Variants in STX1B observed in about 807,000 individuals in gnomAD.
STX1B encodes syntaxin 1B.
In STX1B, 7 loss-of-function variants were observed where a neutral mutation model predicts 39.4. The observed-to-expected ratio is 0.18, with a 90% confidence interval of 0.10 to 0.33. The LOEUF (loss-of-function observed/expected upper bound fraction) is 0.33, where lower values mean the gene tolerates loss of function less well. Among genes scored for constraint, STX1B ranks in the 10% least tolerant of loss-of-function variants. The probability of loss-of-function intolerance (pLI) is 1.00; values close to 1 mark genes in which losing one functional copy is unlikely to be tolerated. For missense variants in STX1B, 198 were observed against 383.2 expected (o/e 0.52, Z 4.04); for synonymous variants, 136 against 144.1 (o/e 0.94, Z 0.40).
At chr16:31,007,894 G>A (rs879374994) in intron 1 of STX1B, among the ~76,000 whole-genome samples, 14 of 152,280 alleles carry the variant, frequency 9.2e-5, no homozygotes, top group Admixed American at 4.6e-4. Context: ...ACTCATACGC[G>A]AAGAAATTGA....
At chr16:30,995,833 G>C (rs1480272134) in intron 7 of STX1B, among the ~76,000 whole-genome samples, 1 of 152,132 alleles carries the variant, frequency 6.6e-6, no homozygotes, top group Non-Finnish European at 1.5e-5. Flanking sequence ...CAGCACAGGG[G>C]ACAAAACCTA....
At chr16:30,994,149 G>A (rs915650549) in intron 7 of STX1B, among the ~76,000 whole-genome samples, 9 of 150,778 alleles carry the variant, frequency 6.0e-5, no homozygotes, top group African/African-American at 2.0e-4. Flanking sequence ...AAAATTAGCC[G>A]GGTGTGGTGG....
chr16:30,992,841 C>T lies in STX1B; in HGVS notation c.847G>A (p.Gly283Arg). 1 of 1,613,206 alleles carries T rather than the reference C, an allele frequency of 6.2e-7. No homozygotes were observed. Among genetic ancestry groups the T allele is most frequent in the Non-Finnish European group, 8.5e-7 (1 of 1,179,446 alleles). ...GGGGCCTACAAGCCCAGCGTCCCCC[C>T]AATGGATGACGCCAAGACCACCCCC... ...VLGVVLASSIGGTLGL is the reference protein window; with the variant it reads ...VLGVVLASSIRGTLGL The change falls in exon 10 of 10, where the codon GGG (glycine) becomes AGG (arginine). Residue 283 changes from glycine (G) to arginine (R), a missense_variant. Gly to Arg is a moderately radical substitution (Grantham distance 125). Transcript: ENST00000215095.
intron 4 of STX1B, 101 bp from the exon 5 acceptor site, chr16:30,997,676 C>T: frequency 1.8e-6 from 2 of 1,118,894 alleles, no homozygotes; most frequent in Non-Finnish European, 1.3e-6. Flanking sequence ...GCGCCAGGCC[C>T]GGGGAGAAAC....
intron 4 of STX1B, among the ~76,000 whole-genome samples, chr16:30,999,959 C>T (rs1042345298): frequency 1.3e-5 from 2 of 151,776 alleles, no homozygotes; most frequent in African/African-American, 4.8e-5. Context: ...TGTAGAAATT[C>T]CTTAGAGAAA....
In STX1B at chr16:30,993,489, G is replaced by C. The variant is rs145815305; in HGVS notation, c.538-5C>G. 5.4e-4 allele frequency: 875 copies of C among 1,613,448 alleles called. 6 individuals are homozygous for C. The East Asian group carries it at 9.1e-3, about 17-fold the overall frequency. ...CATCTGTGAGTCCATTTTGATCTAGGGTGACGAGGGAGAGAGCTACAATCA... is the reference window on the plus strand; with the variant it reads ...CATCTGTGAGTCCATTTTGATCTAGCGTGACGAGGGAGAGAGCTACAATCA... On this transcript the variant is annotated splice_region_variant and splice_polypyrimidine_tract_variant and intron_variant, in intron 7 of 9. Transcript: ENST00000215095.
chr16:31,002,181 G>A (rs150609214), intron 1 of STX1B, among the ~76,000 whole-genome samples: 3 of 146,194 alleles, frequency 2.1e-5, no homozygotes, highest in South Asian at 2.2e-4. Context: ...CCCTCTTCCC[G>A]CCCACTCTCC....
Position 30,992,692 on chromosome 16 carries a change from T to TA in STX1B, c.*128_*129insT. ...GGTCCAGGGACACCAGGGTCTGCCG[T>TA]GGGGGTGGGGCTGCCTGGGTCTGTT... On this transcript the variant is annotated 3_prime_UTR_variant, in exon 10 of 10. Transcript: ENST00000215095. 2.3e-6 allele frequency: 1 copy of TA among 434,316 alleles called. No homozygotes were observed. Among genetic ancestry groups the TA allele is most frequent in the Admixed American group, 5.5e-5 (1 of 18,338 alleles). The allele number at this position is 434,316 out of a possible 1,614,324, so 26.9% of individuals were successfully genotyped here. A position where few individuals can be genotyped will look rare whatever the true frequency, so the allele number is the denominator to read the frequency against.
At position 30,989,495 on chromosome 16, in the gene STX1B, G is replaced by A. The variant is rs1407619482; in HGVS notation, c.*3326C>T. On this transcript the variant is annotated 3_prime_UTR_variant, in exon 10 of 10. Coordinates refer to ENST00000215095, the MANE Select transcript of STX1B (RefSeq NM_052874.5). ...GCTCTGGGCCCCAGCCAGGCCCCAG[G>A]AGTCCTGTCCCCTCTGAGAAGGGGA... is the stretch of plus-strand genomic sequence containing the variant. The A allele has an allele frequency of 6.6e-6, 1 of 152,198 alleles. No homozygotes were observed. Among genetic ancestry groups the A allele is most frequent in the Non-Finnish European group, 1.5e-5 (1 of 68,046 alleles). 9.4% of individuals were successfully genotyped at this position (152,198 alleles called of 1,614,324 possible). A position where few individuals can be genotyped will look rare whatever the true frequency, so the allele number is the denominator to read the frequency against.
intron 9 of STX1B, 82 bp from the exon 10 acceptor site, chr16:30,992,983 G>A (rs1255245209): frequency 1.5e-6 from 2 of 1,377,862 alleles, no homozygotes; most frequent in African/African-American, 1.4e-5. Context: ...CAGGGCAGAG[G>A]GTGGCAGGGA....
At chr16:31,006,323 G>A (rs2056655088) in intron 1 of STX1B, among the ~76,000 whole-genome samples, 1 of 152,052 alleles carries the variant, frequency 6.6e-6, no homozygotes, top group Non-Finnish European at 1.5e-5. Flanking sequence ...CTCTCACCCT[G>A]ACCTCTCTCC....
intron 1 of STX1B, among the ~76,000 whole-genome samples, chr16:31,005,065 T>G (rs7499974): frequency 0.98 from 149,159 of 152,330 alleles, 73,113 homozygotes; most frequent in East Asian, 1. Flanking sequence ...CAGGAGGCCA[T>G]CCCTCCCAGC....
intron 1 of STX1B, among the ~76,000 whole-genome samples, chr16:31,002,890 T>A (rs1295952703): frequency 6.6e-6 from 1 of 152,028 alleles, no homozygotes; most frequent in African/African-American, 2.4e-5. Flanking sequence ...TCAGTTGGAA[T>A]CCAAAAAGAA....
At chr16:31,004,930 C>A (rs58615131) in intron 1 of STX1B, among the ~76,000 whole-genome samples, 335 of 152,324 alleles carry the variant, frequency 2.2e-3, no homozygotes, top group African/African-American at 7.8e-3. Context: ...TTCTGTCCTG[C>A]TGACAGATGG....
rs563068558 is a variant in STX1B at position 31,009,737 on chromosome 16, T to C, written c.30+630A>G. On this transcript the variant is annotated intron_variant, in intron 1 of 9. Transcript: ENST00000215095. The stretch of plus-strand genomic sequence containing the variant: ...CAAGCAGAGCACGGCCCGTGTTCCA[T>C]GGCCCTCTCCTCTGCATCCCCATCT... 5.9e-5 allele frequency among the ~76,000 whole-genome samples: 9 copies of C among 151,762 alleles called. No individual in the cohort carries two copies. The East Asian group carries it at 1.8e-3, about 30-fold the overall frequency.
In STX1B at chr16:30,993,125, C is replaced by T. The variant is rs2056572281; in HGVS notation, c.786+5G>A. The T allele has an allele frequency of 6.2e-7, 1 of 1,613,994 alleles. No individual in the cohort carries two copies. The highest frequency in any genetic ancestry group is 8.5e-7 in the Non-Finnish European group (1 of 1,179,840). On this transcript the variant is annotated splice_donor_5th_base_variant and intron_variant, in intron 9 of 9. Coordinates refer to ENST00000215095, the MANE Select transcript of STX1B (RefSeq NM_052874.5). ...GCCTACCCCCAGGCCGCCTGCCCCG[C>T]TCACCCTCCGGGCCTTGCTCTGATA...
At chr16:31,003,303 TCACAG>T (rs2056640737) in intron 1 of STX1B, among the ~76,000 whole-genome samples, 1 of 152,204 alleles carries the variant, frequency 6.6e-6, no homozygotes, top group South Asian at 2.1e-4. Context: ...CTGTCTTGGC[TCACAG>T]CTGCCCCCAG....
At chr16:30,993,572 T>C (rs1227157082) in intron 7 of STX1B, 88 bp from the exon 8 acceptor site, 5 of 1,487,264 alleles carry the variant, frequency 3.4e-6, no homozygotes, top group Non-Finnish European at 3.7e-6. Flanking sequence ...AAATCCGGTG[T>C]CATTTACTAG....
rs2056535448 is a variant in STX1B at position 30,989,448 on chromosome 16, G to T, written c.*3373C>A. 1 of 127,138 alleles carries T rather than the reference G, an allele frequency of 7.9e-6. No homozygotes were observed. Among genetic ancestry groups the T allele is most frequent in the African/African-American group, 2.6e-5 (1 of 38,094 alleles). 7.9% of individuals were successfully genotyped at this position (127,138 alleles called of 1,614,324 possible). ...GGCTAACAGAAATGGGACTCTGAGG[G>T]CTAACAGGAGAGGGCGGCCTGGCTC... is the stretch of plus-strand genomic sequence containing the variant. On this transcript the variant is annotated 3_prime_UTR_variant, in exon 10 of 10. Coordinates refer to ENST00000215095, the MANE Select transcript of STX1B (RefSeq NM_052874.5).
Sources: gnomAD v4.1 joint callset for allele counts (sites outside exome capture counted in the v4.1 genomes callset) on GRCh38, gnomAD v4.1.1 for gene constraint, MANE v1.5 for transcripts, NCBI Gene and HGNC (gene_info 2026-07-23, HGNC 2026-07-21) for gene names.